Variants in TRRAP observed in about 807,000 individuals in gnomAD.
TRRAP encodes the protein transformation/transcription domain-associated protein.
Under a neutral mutation model 438.8 loss-of-function variants are expected in TRRAP, and 41 were observed. The ratio of observed to expected loss-of-function variants is 0.09; its 90% CI spans 0.07 to 0.12. TRRAP has a LOEUF of 0.12. TRRAP is among the 10% of genes least tolerant of loss of function. TRRAP has a pLI of 1.00. For missense variants in TRRAP, 3,122 were observed against 5,055.1 expected (o/e 0.62, Z 11.60); for synonymous variants, 1,994 against 1,962.9 (o/e 1.02, Z -0.42).
chr7:98,960,897 G>A (rs934046908), intron 45 of TRRAP, among the ~76,000 whole-genome samples: 6 of 152,028 alleles, frequency 3.9e-5, no homozygotes, highest in African/African-American at 7.2e-5. Flanking sequence ...GATTACAGGC[G>A]TAACCACTGC....
chr7:98,911,879 A>C (rs1554408839), intron 17 of TRRAP, 143 bp from the exon 18 acceptor site: 2 of 704,666 alleles, frequency 2.8e-6, no homozygotes, highest in African/African-American at 3.6e-5. Context: ...AACCCGTTTC[A>C]TTTTTTTCCT....
chr7:98,997,460 T>A, intron 67 of TRRAP, among the ~76,000 whole-genome samples: 1 of 114,764 alleles, frequency 8.7e-6, no homozygotes, highest in Non-Finnish European at 1.7e-5. Flanking sequence ...AGTCCAAAAT[T>A]ATCACCCAAA....
At position 98,956,411 on chromosome 7, in the gene TRRAP, A is replaced by G; in HGVS notation, c.6109A>G (p.Met2037Val). The G allele has an allele frequency of 1.9e-6, 3 of 1,614,116 alleles. No individual in the cohort carries two copies. Among genetic ancestry groups the G allele is most frequent in the Non-Finnish European group, 2.5e-6 (3 of 1,180,026 alleles). Residue 2037 changes from methionine (M) to valine (V), a missense_variant, in exon 43 of 73, where the codon ATG (methionine) becomes GTG (valine). Transcript: ENST00000456197. The surrounding 1 kb of genome is among the most constrained non-coding windows in gnomAD (Gnocchi z 4.5). ...RIKDQQPDSD[M>V]DPNSSGEGVN... ...GTGTGTTTTTAAGCCGGATTCAGAT[A>G]TGGACCCAAATTCCAGTGGAGAAGG... is the stretch of plus-strand genomic sequence containing the variant.
chr7:98,999,894 C>A, intron 67 of TRRAP: 1 of 383,290 alleles, frequency 2.6e-6, no homozygotes, highest in Non-Finnish European at 4.7e-6. Context: ...GGGCCAGCAG[C>A]TCACCTCCTG....
At chr7:98,880,836 T>G (rs1795397634) in intron 1 of TRRAP, among the ~76,000 whole-genome samples, 1 of 152,162 alleles carries the variant, frequency 6.6e-6, no homozygotes, top group African/African-American at 2.4e-5. Context: ...AGAAAATGTT[T>G]GCCAACCCCT....
chr7:98,904,099 T>G (rs1488511621), intron 12 of TRRAP, among the ~76,000 whole-genome samples: 1 of 152,090 alleles, frequency 6.6e-6, no homozygotes, highest in Non-Finnish European at 1.5e-5. Flanking sequence ...TGTGAGCCAC[T>G]GCACCCAACC....
rs76617684 is a variant in TRRAP at position 98,952,537 on chromosome 7, A to G, written c.5464-630A>G. ...AAATGTTGAATTTGGTGAATTTCTAATCCATTTGTAAACCAAAAAGTATCT... is the reference window on the plus strand; with the variant it reads ...AAATGTTGAATTTGGTGAATTTCTAGTCCATTTGTAAACCAAAAAGTATCT... On this transcript the variant is annotated intron_variant, in intron 39 of 72. Coordinates refer to ENST00000456197, the MANE Select transcript of TRRAP (RefSeq NM_001375524.1). Among the ~76,000 whole-genome samples, 791 of 152,328 alleles carry G rather than the reference A, an allele frequency of 5.2e-3. 5 individuals carry two copies. The highest frequency in any genetic ancestry group is 0.018 in the African/African-American group (759 of 41,564).
chr7:98,983,545 G>A, intron 60 of TRRAP, 86 bp downstream of exon 60: 5 of 1,487,148 alleles, frequency 3.4e-6, no homozygotes, highest in Non-Finnish European at 3.6e-6. Flanking sequence ...TTTTGGTTTG[G>A]TTTGGTTTGG....
At position 98,943,049 on chromosome 7, in the gene TRRAP, C is replaced by G. The variant is rs1790877370; in HGVS notation, c.4473+32C>G. 4 of 1,612,870 alleles carry G rather than the reference C, an allele frequency of 2.5e-6. No homozygotes were observed. The East Asian group carries it at 6.7e-5, about 27-fold the overall frequency. On this transcript the variant is annotated intron_variant, in intron 31 of 72. Coordinates refer to ENST00000456197, the MANE Select transcript of TRRAP (RefSeq NM_001375524.1). ...GACTTGTTTGTTTCTGGGAAGGGCACCAGCCGCCATGCTGGGTCAGTGCTA... is the reference window on the plus strand; with the variant it reads ...GACTTGTTTGTTTCTGGGAAGGGCAGCAGCCGCCATGCTGGGTCAGTGCTA...
chr7:98,947,540 C>T (rs2116599441), intron 33 of TRRAP, among the ~76,000 whole-genome samples: 1 of 151,976 alleles, frequency 6.6e-6, no homozygotes, highest in African/African-American at 2.4e-5. Flanking sequence ...ACTGTAACCT[C>T]CGCCTCCTGG....
chr7:98,906,090 G>T, intron 12 of TRRAP, 87 bp from the exon 13 acceptor site: 1 of 1,193,790 alleles, frequency 8.4e-7, no homozygotes, highest in Non-Finnish European at 1.2e-6. Flanking sequence ...AGACTGGCGG[G>T]CTGGCTACTT....
At chr7:98,927,961 A>G (rs1790128204) in intron 23 of TRRAP, among the ~76,000 whole-genome samples, 1 of 152,148 alleles carries the variant, frequency 6.6e-6, no homozygotes, top group African/African-American at 2.4e-5. Context: ...AAAAATGGCC[A>G]GGCACGGTGG....
At chr7:98,960,750 C>G (rs1791851162) in intron 45 of TRRAP, among the ~76,000 whole-genome samples, 1 of 134,608 alleles carries the variant, frequency 7.4e-6, no homozygotes, top group Non-Finnish European at 1.6e-5. Flanking sequence ...TGCCACCATG[C>G]CTGGCTTTTT....
chr7:99,011,478 C>T lies in TRRAP; in HGVS notation c.11280C>T (p.Gly3760=). ...TTCTGACCACCATCGGGGTCTCCGG[C>T]CCGTTGACAGCGTCCATGATTGCGG... is the stretch of plus-strand genomic sequence containing the variant. ...SEFLTTIGVS[G]PLTASMIAVA... is the part of the protein sequence containing the mutation. Residue 3760 remains glycine (G), a synonymous_variant, in exon 72 of 73, where the codon GGC becomes GGT. Transcript: ENST00000456197. The surrounding 1 kb of genome is among the most constrained non-coding windows in gnomAD (Gnocchi z 7.1). 1 of 1,614,276 alleles carries T rather than the reference C, an allele frequency of 6.2e-7. No individual in the cohort carries two copies.
In TRRAP at chr7:99,011,259, A is replaced by AC. The variant is rs772966497; in HGVS notation, c.11142+6dup. ...CGAGATGTTACAGATCGCTCAGGTA[A>AC]CCTGCTTTGAACAGCCAGATCCTCT... On this transcript the variant is annotated splice_donor_region_variant and intron_variant, in intron 71 of 72. Coordinates refer to ENST00000456197, the MANE Select transcript of TRRAP (RefSeq NM_001375524.1). The surrounding 1 kb of genome is among the most constrained non-coding windows in gnomAD (Gnocchi z 7.1). The AC allele has an allele frequency of 2.3e-5, 37 of 1,614,150 alleles. No homozygotes were observed. Among genetic ancestry groups the AC allele is most frequent in the Non-Finnish European group, 3.0e-5 (35 of 1,179,964 alleles).
chr7:98,994,940 T>C lies in TRRAP; in HGVS notation c.10309+92T>C. On this transcript the variant is annotated intron_variant, in intron 67 of 72. Transcript: ENST00000456197. This position sits in a 1 kb window ranked among gnomAD's most constrained non-coding sequence, Gnocchi z 4.8. ...GTTGAAGCTGATTGGATCCTTGGTTTTCTGATCACTGCACGGGGCACACTG... is the reference window on the plus strand; with the variant it reads ...GTTGAAGCTGATTGGATCCTTGGTTCTCTGATCACTGCACGGGGCACACTG... 6.6e-7 allele frequency: 1 copy of C among 1,526,442 alleles called. No individual in the cohort carries two copies. The highest frequency in any genetic ancestry group is 8.9e-7 in the Non-Finnish European group (1 of 1,128,282). 94.6% of individuals were successfully genotyped at this position (1,526,442 alleles called of 1,614,324 possible). A position where few individuals can be genotyped will look rare whatever the true frequency, so the allele number is the denominator to read the frequency against.
At chr7:98,885,254 A>ATT (rs35480952) in intron 3 of TRRAP, among the ~76,000 whole-genome samples, 130 of 147,306 alleles carry the variant, frequency 8.8e-4, no homozygotes, top group South Asian at 4.3e-3. Context: ...TGCTTGGCTA[A>ATT]TTTTTTTTTT....
rs764185965 is a variant in TRRAP, at chr7:99,005,272, G to A, written c.10677G>A (p.Val3559=). 6.2e-7 allele frequency: 1 copy of A among 1,614,192 alleles called. No individual in the cohort carries two copies. Among genetic ancestry groups the A allele is most frequent in the Non-Finnish European group, 8.5e-7 (1 of 1,180,046 alleles). The stretch of plus-strand genomic sequence containing the variant: ...CAGAGTCACGGCGAGAGGAGCGTGT[G>A]TTGCAGCTGCTGCGTCTGCTGAACC... ...CLTESRREER[V]LQLLRLLNPC... is the part of the protein sequence containing the mutation. The change falls in exon 69 of 73, where the codon GTG becomes GTA. Residue 3559 remains valine (V), a synonymous_variant. Coordinates refer to ENST00000456197, the MANE Select transcript of TRRAP (RefSeq NM_001375524.1). The surrounding 1 kb of genome is among the most constrained non-coding windows in gnomAD (Gnocchi z 5.1).
intron 67 of TRRAP, among the ~76,000 whole-genome samples, chr7:99,003,324 G>A (rs1230872821): frequency 6.6e-6 from 1 of 152,236 alleles, no homozygotes; most frequent in Non-Finnish European, 1.5e-5. Flanking sequence ...TGCCATTTTG[G>A]TATCCTGCAT....
Sources: allele counts gnomAD v4.1 joint callset (sites outside exome capture counted in the v4.1 genomes callset), GRCh38; gene constraint gnomAD v4.1.1; non-coding constraint Gnocchi (gnomAD v3.1); transcripts MANE v1.5; gene names NCBI Gene and HGNC (gene_info 2026-07-23, HGNC 2026-07-21).